The following OXR1 variants were observed in gnomAD, a reference collection of about 807,000 sequenced individuals.
OXR1 encodes the protein oxidation resistance 1.
Under a neutral mutation model 104.6 loss-of-function variants are expected in OXR1, and 41 were observed. The ratio of observed to expected loss-of-function variants is 0.39; its 90% CI spans 0.31 to 0.51. The LOEUF is 0.51. Among genes scored for constraint, OXR1 ranks in the 20% least tolerant of loss-of-function variants. The probability of loss-of-function intolerance (pLI) is 0.77; values close to 1 mark genes in which losing one functional copy is unlikely to be tolerated. For synonymous variants in OXR1, 348 were observed against 348.4 expected, an observed-to-expected ratio of 1.00 and a Z score of 0.01; for missense variants, 955 against 1,031.9, an observed-to-expected ratio of 0.93 and a Z score of 1.02.
chr8:106,524,397 A>G (rs927110257), intron 3 of OXR1, among the ~76,000 whole-genome samples: 2 of 152,192 alleles, frequency 1.3e-5, no homozygotes, highest in Non-Finnish European at 2.9e-5. Context: ...TTGATTCCTC[A>G]CTTCAGGGAA....
intron 1 of OXR1, among the ~76,000 whole-genome samples, chr8:106,298,537 A>G (rs1419487936): frequency 6.6e-6 from 1 of 152,190 alleles, no homozygotes; most frequent in African/African-American, 2.4e-5. Flanking sequence ...ATCAATCATG[A>G]TAATAAAGTC....
intron 2 of OXR1, among the ~76,000 whole-genome samples, chr8:106,477,259 C>T (rs1196584151): frequency 6.6e-6 from 1 of 151,930 alleles, no homozygotes; most frequent in African/African-American, 2.4e-5. Context: ...TTCCCTGTGA[C>T]ATGTAATTTA....
At chr8:106,468,276 G>A (rs1159285472) in intron 2 of OXR1, among the ~76,000 whole-genome samples, 2 of 151,768 alleles carry the variant, frequency 1.3e-5, no homozygotes, top group Non-Finnish European at 2.9e-5. Context: ...ATCAGAAAGT[G>A]ACAAGTGCTA....
At chr8:106,362,840 G>A (rs1303210136) in intron 2 of OXR1, among the ~76,000 whole-genome samples, 1 of 152,326 alleles carries the variant, frequency 6.6e-6, no homozygotes, top group East Asian at 1.9e-4. Flanking sequence ...CATATGTACA[G>A]TAACACTAAA....
intron 1 of OXR1, among the ~76,000 whole-genome samples, chr8:106,285,567 CT>C (rs1812460821): frequency 6.6e-6 from 1 of 151,690 alleles, no homozygotes; most frequent in Non-Finnish European, 1.5e-5. Flanking sequence ...GCAAAGACAG[CT>C]TGTGCTGAAA....
At chr8:106,744,355 A>G (rs1044628789) in intron 15 of OXR1, among the ~76,000 whole-genome samples, 3 of 152,240 alleles carry the variant, frequency 2.0e-5, no homozygotes, top group African/African-American at 7.2e-5. Flanking sequence ...TCCTGTAGAT[A>G]GAATGAGGAA....
At chr8:106,565,159 T>C (rs1057475289) in intron 3 of OXR1, among the ~76,000 whole-genome samples, 6 of 151,940 alleles carry the variant, frequency 3.9e-5, no homozygotes, top group Non-Finnish European at 5.9e-5. Flanking sequence ...AGAAAGGGTA[T>C]ACAAATAGGA....
intron 11 of OXR1, among the ~76,000 whole-genome samples, chr8:106,730,893 GAAAGAAAGAAAAAATAAGAAAC>G (rs1178708903): frequency 1.3e-5 from 2 of 151,230 alleles, no homozygotes; most frequent in East Asian, 1.9e-4. Flanking sequence ...AAAAAAAAAA[GAAAGAAAGAAAAAATAAGAAAC>G]AAAGAAAGAA....
chr8:106,691,666 G>A (rs1195901641), intron 6 of OXR1, among the ~76,000 whole-genome samples: 5 of 149,376 alleles, frequency 3.3e-5, no homozygotes, highest in African/African-American at 4.9e-5. Flanking sequence ...TTATATTTGT[G>A]TGTGACTAAT....
intron 11 of OXR1, chr8:106,726,178 A>T (rs1431460116): frequency 5.7e-5 from 85 of 1,486,906 alleles, no homozygotes; most frequent in Non-Finnish European, 5.3e-5. Flanking sequence ...TCTTTGACAG[A>T]GGAAGAATGC....
At chr8:106,507,955 G>T (rs1041932993) in intron 2 of OXR1, among the ~76,000 whole-genome samples, 1 of 152,164 alleles carries the variant, frequency 6.6e-6, no homozygotes, top group Non-Finnish European at 1.5e-5. Context: ...AAGGACTCTG[G>T]CTGCATGACC....
intron 3 of OXR1, among the ~76,000 whole-genome samples, chr8:106,651,620 T>C (rs559937079): frequency 6.6e-6 from 1 of 152,320 alleles, no homozygotes; most frequent in South Asian, 2.1e-4. Context: ...CATCAATCTG[T>C]ACATCTATTC....
At chr8:106,358,636 C>A (rs1010702095) in intron 1 of OXR1, among the ~76,000 whole-genome samples, 1 of 152,108 alleles carries the variant, frequency 6.6e-6, no homozygotes, top group African/African-American at 2.4e-5. Context: ...AATGACCTGA[C>A]TGAATAAAGT....
chr8:106,487,880 C>T (rs1810795447), intron 2 of OXR1, among the ~76,000 whole-genome samples: 1 of 151,904 alleles, frequency 6.6e-6, no homozygotes, highest in African/African-American at 2.4e-5. Flanking sequence ...CCGCAATAAA[C>T]ATACGTATGC....
intron 3 of OXR1, among the ~76,000 whole-genome samples, chr8:106,632,741 G>A (rs1160618913): frequency 1.3e-5 from 2 of 152,080 alleles, no homozygotes; most frequent in Non-Finnish European, 2.9e-5. Flanking sequence ...GCATATTCCA[G>A]CATGGGCAAC....
intron 3 of OXR1, among the ~76,000 whole-genome samples, chr8:106,619,251 A>T (rs992980578): frequency 6.6e-6 from 1 of 152,208 alleles, no homozygotes; most frequent in Non-Finnish European, 1.5e-5. Flanking sequence ...AGTTAGTAAT[A>T]AATTTATGAG....
At chr8:106,651,407 C>A (rs981180738) in intron 3 of OXR1, among the ~76,000 whole-genome samples, 3 of 152,092 alleles carry the variant, frequency 2.0e-5, no homozygotes, top group Non-Finnish European at 2.9e-5. Flanking sequence ...ACACTTATGT[C>A]TTTAATCTAT....
At position 106,324,548 on chromosome 8, in the gene OXR1, GAAAA is replaced by G. The variant is rs57979286; in HGVS notation, c.-138-34920_-138-34917del. On this transcript the variant is annotated intron_variant, in intron 1 of 16. Transcript: ENST00000517566. ...GGAAAGGAGGTTCTATACAAAAAAAGAAAAAAAAAAACTTTAGAACTCTCTGGCA... is the reference window on the plus strand; with the variant it reads ...GGAAAGGAGGTTCTATACAAAAAAAGAAAAAAACTTTAGAACTCTCTGGCA... Among the ~76,000 whole-genome samples, 5 of 143,878 alleles carry G rather than the reference GAAAA, an allele frequency of 3.5e-5. No individual in the cohort carries two copies. The South Asian group carries it at 1.1e-3, about 32-fold the overall frequency. The allele number at this position is 143,878 out of a possible 152,430, so 94.4% of individuals were successfully genotyped here. A position where few individuals can be genotyped will look rare whatever the true frequency, so the allele number is the denominator to read the frequency against.
At chr8:106,688,387 A>G (rs935915584) in intron 6 of OXR1, among the ~76,000 whole-genome samples, 1 of 150,434 alleles carries the variant, frequency 6.6e-6, no homozygotes, top group African/African-American at 2.5e-5. Context: ...TAACACTTGA[A>G]TTGGATACAC....
Sources: allele counts gnomAD v4.1 joint callset (sites outside exome capture counted in the v4.1 genomes callset), GRCh38; gene constraint gnomAD v4.1.1; transcripts MANE v1.5; gene names NCBI Gene and HGNC (gene_info 2026-07-23, HGNC 2026-07-21).